The following LRRC75A variants were observed in gnomAD, a reference collection of about 807,000 sequenced individuals.
LRRC75A encodes leucine-rich repeat-containing protein 75A.
Under a neutral mutation model 26.0 loss-of-function variants are expected in LRRC75A, and 12 were observed. That is an observed-to-expected ratio of 0.46 (90% CI 0.30 to 0.75). The LOEUF is 0.75. LRRC75A is among the 30% of genes least tolerant of loss of function. The pLI, the probability that LRRC75A is intolerant of heterozygous loss-of-function variation, is 0.08. For missense variants in LRRC75A, 410 were observed against 486.6 expected (o/e 0.84, Z 1.48); for synonymous variants, 223 against 219.3 (o/e 1.02, Z -0.15).
intron 2 of LRRC75A, among the ~76,000 whole-genome samples, chr17:16,456,310 G>GAAGGGA (rs2093682383): frequency 8.4e-6 from 1 of 119,154 alleles, no homozygotes; most frequent in African/African-American, 3.5e-5. Context: ...AGAGGAGGAG[G>GAAGGGA]AGGAAGAGGA....
At chr17:16,484,308 C>A (rs1386288306) in intron 1 of LRRC75A, among the ~76,000 whole-genome samples, 2 of 152,118 alleles carry the variant, frequency 1.3e-5, no homozygotes, top group Non-Finnish European at 2.9e-5. Context: ...TGCACTCCAG[C>A]CTGGCGACAG....
chr17:16,459,863 C>A (rs923174433), intron 2 of LRRC75A, among the ~76,000 whole-genome samples: 1 of 152,192 alleles, frequency 6.6e-6, no homozygotes, highest in Non-Finnish European at 1.5e-5. Context: ...ACGAAAGGGG[C>A]CTTCCAGGTC....
At chr17:16,481,725 T>C (rs1224925747) in intron 1 of LRRC75A, among the ~76,000 whole-genome samples, 1 of 152,102 alleles carries the variant, frequency 6.6e-6, no homozygotes, top group African/African-American at 2.4e-5. Context: ...TGTCTGTGCT[T>C]GTCCTCATCC....
chr17:16,447,828 G>C lies in LRRC75A; in HGVS notation c.491+17C>G. 2 of 1,514,934 alleles carry C rather than the reference G, an allele frequency of 1.3e-6. No homozygotes were observed. Among genetic ancestry groups the C allele is most frequent in the Non-Finnish European group, 8.9e-7 (1 of 1,122,108 alleles). 93.8% of individuals were successfully genotyped at this position (1,514,934 alleles called of 1,614,324 possible). ...CACTCAGCCTGGCATAGACCTGCCC[G>C]GGGGAGTGTAACTCACCAGGCCTGT... is the stretch of plus-strand genomic sequence containing the variant. On this transcript the variant is annotated intron_variant, in intron 3 of 3. Transcript: ENST00000470794.
intron 1 of LRRC75A, among the ~76,000 whole-genome samples, chr17:16,473,129 C>CTGTGTG (rs10640541): frequency 0.011 from 1,641 of 149,048 alleles, 28 homozygotes; most frequent in African/African-American, 0.038. Context: ...TGTAAGTAGT[C>CTGTGTG]TGTGTGTGTG....
At position 16,492,080 on chromosome 17, in the gene LRRC75A, C is replaced by T. The variant is rs1378767790; in HGVS notation, c.-90G>A. The stretch of plus-strand genomic sequence containing the variant: ...CCCCTCGGCCGCCCGTGCGCGCTCG[C>T]CTCCCGGGCTGCAACTTTGGGGGAA... On this transcript the variant is annotated 5_prime_UTR_variant, in exon 1 of 4. Coordinates refer to ENST00000470794, the MANE Select transcript of LRRC75A (RefSeq NM_001113567.3). The T allele has an allele frequency of 1.1e-5, 11 of 1,038,408 alleles. No homozygotes were observed. Among genetic ancestry groups the T allele is most frequent in the Non-Finnish European group, 1.3e-5 (11 of 864,162 alleles). 64.3% of individuals were successfully genotyped at this position (1,038,408 alleles called of 1,614,324 possible).
At chr17:16,472,356 T>C (rs576697125) in intron 1 of LRRC75A, among the ~76,000 whole-genome samples, 1 of 151,640 alleles carries the variant, frequency 6.6e-6, no homozygotes, top group African/African-American at 2.4e-5. Flanking sequence ...AAAAAGCCAG[T>C]GACAAAGCTG....
intron 1 of LRRC75A, among the ~76,000 whole-genome samples, chr17:16,485,325 C>A (rs1056246290): frequency 6.6e-6 from 1 of 152,054 alleles, no homozygotes; most frequent in South Asian, 2.1e-4. Context: ...GTGGGGCCTA[C>A]GGGAGGTGAT....
At position 16,442,237 on chromosome 17, in the gene LRRC75A, T is replaced by G. The variant is rs2093535394; in HGVS notation, c.*1351A>C. On this transcript the variant is annotated 3_prime_UTR_variant, in exon 4 of 4. Transcript: ENST00000470794. ...CTGTGCTCTGTTCCTTGGTGTAGCT[T>G]TGTTCCAGCTCCTGCAGCATTGCAC... 1 of 152,300 alleles carries G rather than the reference T, an allele frequency of 6.6e-6. No individual in the cohort carries two copies. Among genetic ancestry groups the G allele is most frequent in the Admixed American group, 6.5e-5 (1 of 15,278 alleles). The allele number at this position is 152,300 out of a possible 1,614,324, so 9.4% of individuals were successfully genotyped here.
At chr17:16,446,540 G>A (rs1297230286) in intron 3 of LRRC75A, among the ~76,000 whole-genome samples, 1 of 152,184 alleles carries the variant, frequency 6.6e-6, no homozygotes, top group Non-Finnish European at 1.5e-5. Context: ...AGTGTGGCTG[G>A]GGCGGGAGAG....
chr17:16,446,860 C>CAGCA, intron 3 of LRRC75A: 1 of 291,202 alleles, frequency 3.4e-6, no homozygotes, highest in South Asian at 2.5e-5. Flanking sequence ...CTCCCGTAGC[C>CAGCA]AGCACCATCA....
intron 2 of LRRC75A, among the ~76,000 whole-genome samples, chr17:16,450,224 A>G (rs2093619934): frequency 6.6e-6 from 1 of 152,162 alleles, no homozygotes; most frequent in Non-Finnish European, 1.5e-5. Flanking sequence ...TGAGGCCCAG[A>G]GGGCTGGGGA....
chr17:16,460,234 G>T (rs1436835391), intron 2 of LRRC75A, among the ~76,000 whole-genome samples: 4 of 152,202 alleles, frequency 2.6e-5, no homozygotes, highest in African/African-American at 9.7e-5. Context: ...TCAGAAGTGT[G>T]AGAGATAAAT....
rs2093857709 is a variant in LRRC75A at position 16,491,696 on chromosome 17, GCACGCCCCCTGGCCCGGCGCGCCCCC to G, written c.246+23_246+48del. The G allele has an allele frequency of 4.2e-6, 5 of 1,178,642 alleles. No homozygotes were observed. The highest frequency in any genetic ancestry group is 5.4e-6 in the Non-Finnish European group (5 of 928,804). The allele number at this position is 1,178,642 out of a possible 1,614,324, so 73.0% of individuals were successfully genotyped here. A position where few individuals can be genotyped will look rare whatever the true frequency, so the allele number is the denominator to read the frequency against. The stretch of plus-strand genomic sequence containing the variant: ...GGGATGGGGCGCCCCCCCCGGCCCA[GCACGCCCCCTGGCCCGGCGCGCCCCC>G]CGCGCCCCCTCCCCGCGCTCACCTG... On this transcript the variant is annotated intron_variant, in intron 1 of 3. Coordinates refer to ENST00000470794, the MANE Select transcript of LRRC75A (RefSeq NM_001113567.3). This position sits in a 1 kb window ranked among gnomAD's most constrained non-coding sequence, Gnocchi z 5.9.
intron 3 of LRRC75A, among the ~76,000 whole-genome samples, chr17:16,446,206 G>A (rs992912323): frequency 6.6e-6 from 1 of 152,210 alleles, no homozygotes; most frequent in African/African-American, 2.4e-5. Context: ...ACCGTGCCCA[G>A]CCCATTTGTT....
At chr17:16,456,837 G>A (rs35269706) in intron 2 of LRRC75A, among the ~76,000 whole-genome samples, 33,820 of 152,166 alleles carry the variant, frequency 0.22, 4,033 homozygotes, top group Middle Eastern at 0.31. Context: ...ATCCTAACCC[G>A]CCCAGAAGGC....
chr17:16,484,844 C>T (rs1238936277), intron 1 of LRRC75A, among the ~76,000 whole-genome samples: 3 of 152,216 alleles, frequency 2.0e-5, no homozygotes, highest in Non-Finnish European at 4.4e-5. Context: ...AGCTGTGCTC[C>T]TGTGTCTCTC....
At chr17:16,475,736 T>C (rs917989943) in intron 1 of LRRC75A, among the ~76,000 whole-genome samples, 1 of 151,832 alleles carries the variant, frequency 6.6e-6, no homozygotes, top group Non-Finnish European at 1.5e-5. Flanking sequence ...CCACACCAGC[T>C]AATTAAAAAA....
chr17:16,491,549 C>T lies in LRRC75A; in HGVS notation c.246+196G>A, dbSNP rs192271051. Among the ~76,000 whole-genome samples the T allele has an allele frequency of 2.9e-3, 448 of 152,318 alleles. 1 individual carries two copies. The highest frequency in any genetic ancestry group is 4.3e-3 in the Non-Finnish European group (293 of 68,002). Reference sequence around the variant, plus strand: ...GGGCCTCACCCGGCCAGCCTTCCTCCGCCCTGCCCTGAGGCCCCACATTCA... The same window carrying T: ...GGGCCTCACCCGGCCAGCCTTCCTCTGCCCTGCCCTGAGGCCCCACATTCA... On this transcript the variant is annotated intron_variant, in intron 1 of 3. Transcript: ENST00000470794. This position sits in a 1 kb window ranked among gnomAD's most constrained non-coding sequence, Gnocchi z 5.9.
Sources: gnomAD v4.1 joint callset for allele counts (sites outside exome capture counted in the v4.1 genomes callset) on GRCh38, gnomAD v4.1.1 for gene constraint, Gnocchi (gnomAD v3.1) non-coding constraint, MANE v1.5 for transcripts, NCBI Gene and HGNC (gene_info 2026-07-23, HGNC 2026-07-21) for gene names.